GRM7: variants seen among roughly 807,000 people sequenced by gnomAD.
GRM7 encodes glutamate metabotropic receptor 7.
GRM7 carries 35 observed loss-of-function variants against 84.5 expected under a neutral mutation model. The observed-to-expected ratio is 0.41, with a 90% CI of 0.32 to 0.55. The LOEUF (loss-of-function observed/expected upper bound fraction) is 0.55, where lower values mean the gene tolerates loss of function less well. Ranked by LOEUF, GRM7 falls within the 20% of genes least tolerant of loss-of-function variation. GRM7 has a pLI of 0.19. For synonymous variants in GRM7, 487 were observed against 455.1 expected, an observed-to-expected ratio of 1.07 and a Z score of -0.89; for missense variants, 1,003 against 1,194.6, an observed-to-expected ratio of 0.84 and a Z score of 2.36.
At chr3:7,693,790 G>C in intron 9 of GRM7, 1 of 688,914 alleles carries the variant, frequency 1.5e-6, no homozygotes, top group Non-Finnish European at 2.5e-6. Context: ...CTGTTTGCAT[G>C]AGTTTAGTCG....
chr3:7,221,804 A>ATTTTTTTTTTTTTTT (rs540956206), intron 2 of GRM7, among the ~76,000 whole-genome samples: 1 of 97,356 alleles, frequency 1.0e-5, no homozygotes, highest in Non-Finnish European at 2.0e-5. Flanking sequence ...AATTTCTTGT[A>ATTTTTTTTTTTTTTT]TTTTTTTTTT....
At chr3:7,038,694 C>A (rs778778449) in intron 1 of GRM7, among the ~76,000 whole-genome samples, 3 of 152,148 alleles carry the variant, frequency 2.0e-5, no homozygotes, top group Non-Finnish European at 4.4e-5. Flanking sequence ...ACATTTGTTA[C>A]AAGCATGGTT....
chr3:7,201,116 C>A (rs1454772180), intron 2 of GRM7, among the ~76,000 whole-genome samples: 1 of 151,768 alleles, frequency 6.6e-6, no homozygotes, highest in Admixed American at 6.6e-5. Flanking sequence ...ACTACAGACA[C>A]CCACCACCAC....
chr3:7,671,297 C>T lies in GRM7; in HGVS notation c.2452-8752C>T, dbSNP rs369221510. Among the ~76,000 whole-genome samples, 16 of 152,046 alleles carry T rather than the reference C, an allele frequency of 1.1e-4. No homozygotes were observed. In the South Asian group the frequency reaches 2.9e-3, roughly 28 times the overall value. ...TAGGATGGCATGGGTTGGGGATGAA[C>T]TCTAAACTTTTCCAAGGATGTGGTC... On this transcript the variant is annotated intron_variant, in intron 8 of 9. Transcript: ENST00000357716.
rs1694251151 is a variant in GRM7 at position 7,374,215 on chromosome 3, G to A, written c.1034-40808G>A. On this transcript the variant is annotated intron_variant, in intron 4 of 9. Coordinates refer to ENST00000357716, the MANE Select transcript of GRM7 (RefSeq NM_000844.4). The stretch of plus-strand genomic sequence containing the variant: ...GGTCCAGCACTTATAGATACTCTAT[G>A]ACTATTAGTTAAACATATATATATG... Among the ~76,000 whole-genome samples the A allele has an allele frequency of 1.3e-5, 2 of 150,582 alleles. 1 individual carries two copies. Among genetic ancestry groups the A allele is most frequent in the South Asian group, 4.2e-4 (2 of 4,796 alleles).
intron 4 of GRM7, among the ~76,000 whole-genome samples, chr3:7,376,633 T>A (rs1325855900): frequency 6.6e-6 from 1 of 152,236 alleles, no homozygotes; most frequent in Non-Finnish European, 1.5e-5. Context: ...AATGCATGTG[T>A]ATGTCAATAA....
At chr3:7,314,289 C>G (rs532686479) in intron 4 of GRM7, among the ~76,000 whole-genome samples, 1 of 152,240 alleles carries the variant, frequency 6.6e-6, no homozygotes, top group African/African-American at 2.4e-5. Context: ...GTTATCGTAT[C>G]CACATTGTAA....
At chr3:7,285,217 T>G (rs576096529) in intron 2 of GRM7, among the ~76,000 whole-genome samples, 2 of 152,302 alleles carry the variant, frequency 1.3e-5, no homozygotes, top group South Asian at 4.1e-4. Flanking sequence ...ACTCCTAACT[T>G]AGACCAACAA....
intron 9 of GRM7, among the ~76,000 whole-genome samples, chr3:7,718,544 T>C (rs1246040373): frequency 6.6e-6 from 1 of 151,956 alleles, no homozygotes; most frequent in South Asian, 2.1e-4. Context: ...AAGAGAAAAT[T>C]ATTCACTTAG....
At chr3:7,159,530 G>T (rs1322010426) in intron 2 of GRM7, among the ~76,000 whole-genome samples, 1 of 152,146 alleles carries the variant, frequency 6.6e-6, no homozygotes, top group Non-Finnish European at 1.5e-5. Flanking sequence ...TTCAATACCT[G>T]TTATTCCTGC....
intron 5 of GRM7, among the ~76,000 whole-genome samples, chr3:7,426,804 G>C (rs575396954): frequency 7.9e-5 from 12 of 152,314 alleles, no homozygotes; most frequent in African/African-American, 2.9e-4. Context: ...TTAACAAGTA[G>C]TTGTTGAGGA....
At chr3:7,182,014 A>G (rs777548508) in intron 2 of GRM7, among the ~76,000 whole-genome samples, 17 of 152,206 alleles carry the variant, frequency 1.1e-4, no homozygotes, top group Non-Finnish European at 2.1e-4. Context: ...GTACAATATC[A>G]GTCTGTTACT....
At chr3:6,974,333 A>C (rs1462266232) in intron 1 of GRM7, among the ~76,000 whole-genome samples, 1 of 152,222 alleles carries the variant, frequency 6.6e-6, no homozygotes, top group Non-Finnish European at 1.5e-5. Flanking sequence ...GATGTTGAAT[A>C]GACAGTTGAG....
At chr3:7,020,354 G>C (rs187456271) in intron 1 of GRM7, among the ~76,000 whole-genome samples, 8 of 152,342 alleles carry the variant, frequency 5.3e-5, no homozygotes, top group African/African-American at 1.7e-4. Flanking sequence ...AGTTAGGGGA[G>C]AGAGAGGGAT....
At chr3:7,429,405 T>C (rs568540007) in intron 5 of GRM7, among the ~76,000 whole-genome samples, 4 of 152,336 alleles carry the variant, frequency 2.6e-5, no homozygotes, top group African/African-American at 9.6e-5. Context: ...ACTCTACTAA[T>C]TTATTCAGCC....
intron 7 of GRM7, among the ~76,000 whole-genome samples, chr3:7,495,179 A>G (rs1371767434): frequency 6.6e-6 from 1 of 151,948 alleles, no homozygotes; most frequent in Non-Finnish European, 1.5e-5. Context: ...TTGCAGAGCT[A>G]TTTTTGCTAG....
At chr3:7,190,372 G>A (rs1056211756) in intron 2 of GRM7, among the ~76,000 whole-genome samples, 5 of 152,006 alleles carry the variant, frequency 3.3e-5, no homozygotes, top group South Asian at 4.1e-4. Flanking sequence ...GTGCCCAAAC[G>A]GATGTTGTCT....
chr3:7,513,070 C>T (rs953452932), intron 7 of GRM7, among the ~76,000 whole-genome samples: 2 of 152,180 alleles, frequency 1.3e-5, no homozygotes, highest in African/African-American at 4.8e-5. Context: ...TAGGGAATTG[C>T]TTTCAATTCT....
chr3:7,313,035 T>A (rs1424523481), intron 4 of GRM7, among the ~76,000 whole-genome samples: 1 of 151,628 alleles, frequency 6.6e-6, no homozygotes, highest in Non-Finnish European at 1.5e-5. Context: ...TTCAAACAAT[T>A]CTTCTACCTC....
Sources: gnomAD v4.1 joint callset for allele counts (sites outside exome capture counted in the v4.1 genomes callset) on GRCh38, gnomAD v4.1.1 for gene constraint, MANE v1.5 for transcripts, NCBI Gene and HGNC (gene_info 2026-07-23, HGNC 2026-07-21) for gene names.